Variants in MCPH1 observed in about 807,000 individuals in gnomAD.
The protein encoded by MCPH1 is microcephalin 1.
MCPH1 carries 104 observed loss-of-function variants against 84.5 expected under a neutral mutation model. The ratio of observed to expected loss-of-function variants is 1.23; its 90% confidence interval spans 1.05 to 1.45. The LOEUF (loss-of-function observed/expected upper bound fraction) is 1.45, where lower values mean the gene tolerates loss of function less well. Ranked by LOEUF, MCPH1 falls within the 40% of genes most tolerant of loss-of-function variation. The probability of loss-of-function intolerance (pLI) is 0.00; values close to 1 mark genes in which losing one functional copy is unlikely to be tolerated. For synonymous variants in MCPH1, 514 were observed against 366.8 expected (o/e 1.40, Z -4.58); for missense variants, 1,498 against 1,005.7 (o/e 1.49, Z -6.62).
At chr8:6,484,514 T>A (rs542333133) in intron 11 of MCPH1, among the ~76,000 whole-genome samples, 2 of 152,352 alleles carry the variant, frequency 1.3e-5, no homozygotes, top group South Asian at 4.1e-4. Context: ...GCAGTCCCAC[T>A]CCCAGATATT....
chr8:6,609,775 A>T (rs1830093657), intron 12 of MCPH1, among the ~76,000 whole-genome samples: 1 of 142,318 alleles, frequency 7.0e-6, no homozygotes, highest in African/African-American at 2.5e-5. Flanking sequence ...AACATCATAG[A>T]TTTTATTTTT....
At chr8:6,559,246 C>CACACAT (rs1825143758) in intron 12 of MCPH1, among the ~76,000 whole-genome samples, 1 of 151,798 alleles carries the variant, frequency 6.6e-6, no homozygotes, top group Non-Finnish European at 1.5e-5. Context: ...CACACACACA[C>CACACAT]ACACACACAC....
At chr8:6,585,511 G>A (rs1827904345) in intron 12 of MCPH1, among the ~76,000 whole-genome samples, 1 of 152,214 alleles carries the variant, frequency 6.6e-6, no homozygotes, top group Admixed American at 6.5e-5. Context: ...CATGCAGTTG[G>A]GCTGCTCTGG....
intron 12 of MCPH1, among the ~76,000 whole-genome samples, chr8:6,596,932 C>T (rs770513575): frequency 3.9e-5 from 6 of 152,132 alleles, no homozygotes; most frequent in African/African-American, 1.4e-4. Context: ...ATAGAGGATA[C>T]GGTCAGAGTT....
rs1427024116 is a variant in MCPH1, at chr8:6,444,479, G to A, written c.757G>A (p.Gly253Arg). 1.4e-5 allele frequency: 23 copies of A among 1,614,130 alleles called. No individual in the cohort carries two copies. The highest frequency in any genetic ancestry group is 1.9e-5 in the Non-Finnish European group (22 of 1,180,000). Residue 253 changes from glycine (G) to arginine (R), a missense_variant, in exon 8 of 14, where the codon GGA becomes AGA. Coordinates refer to ENST00000344683, the MANE Select transcript of MCPH1 (RefSeq NM_024596.5). ...TGGAAATCAGGAAAGGAAGTTGGAA[G>A]GATCCATTAATGACATTAAAAGTGA... ...GCGNQERKLE[G>R]SINDIKSDVC...
intron 12 of MCPH1, among the ~76,000 whole-genome samples, chr8:6,564,604 G>C (rs1825990308): frequency 6.6e-6 from 1 of 152,096 alleles, no homozygotes; most frequent in Admixed American, 6.5e-5. Context: ...CAAGGTACAA[G>C]GTTTATTATT....
chr8:6,424,647 A>G (rs1037276852), intron 3 of MCPH1, among the ~76,000 whole-genome samples: 2 of 152,214 alleles, frequency 1.3e-5, no homozygotes, highest in African/African-American at 4.8e-5. Flanking sequence ...GTGTCCTCCT[A>G]ATATCACATC....
chr8:6,508,025 A>G (rs1046882414), intron 12 of MCPH1: 1 of 152,224 alleles, frequency 6.6e-6, no homozygotes, highest in African/African-American at 2.4e-5. Context: ...ATGGCAGTGT[A>G]ATACCAAACC....
chr8:6,464,817 G>C (rs1312072586), intron 9 of MCPH1, among the ~76,000 whole-genome samples: 1 of 152,132 alleles, frequency 6.6e-6, no homozygotes, highest in East Asian at 1.9e-4. Flanking sequence ...GGCCAACATG[G>C]GAAAACCCTG....
chr8:6,612,649 C>G (rs1830386631), intron 12 of MCPH1, among the ~76,000 whole-genome samples: 1 of 152,222 alleles, frequency 6.6e-6, no homozygotes, highest in Admixed American at 6.5e-5. Context: ...GCTGGCCTGC[C>G]TCTGTTCCGA....
intron 12 of MCPH1, among the ~76,000 whole-genome samples, chr8:6,505,818 T>C (rs1248120946): frequency 1.4e-5 from 2 of 139,430 alleles, no homozygotes; most frequent in African/African-American, 2.6e-5. Context: ...TCTTTATATA[T>C]GTATATATAA....
rs1365349504 is a variant in MCPH1 at position 6,431,700 on chromosome 8, C to G, written c.321+114C>G. On this transcript the variant is annotated intron_variant, in intron 4 of 13. Coordinates refer to ENST00000344683, the MANE Select transcript of MCPH1 (RefSeq NM_024596.5). Reference sequence around the variant, plus strand: ...ATATTCAAGAGTTGTCTTAAATATGCTATTGATGATATTGTTCTTTTCACA... The same window carrying G: ...ATATTCAAGAGTTGTCTTAAATATGGTATTGATGATATTGTTCTTTTCACA... 7 of 697,240 alleles carry G rather than the reference C, an allele frequency of 1.0e-5. No homozygotes were observed. The East Asian group carries it at 1.9e-4, about 19-fold the overall frequency. 43.2% of individuals were successfully genotyped at this position (697,240 alleles called of 1,614,324 possible).
At chr8:6,419,471 T>C (rs1277794009) in intron 3 of MCPH1, among the ~76,000 whole-genome samples, 1 of 151,906 alleles carries the variant, frequency 6.6e-6, no homozygotes, top group Non-Finnish European at 1.5e-5. Flanking sequence ...CGGCTCACTG[T>C]AAGCTCTGCC....
intron 9 of MCPH1, among the ~76,000 whole-genome samples, chr8:6,470,683 C>A (rs528491988): frequency 3.9e-5 from 6 of 152,240 alleles, no homozygotes; most frequent in African/African-American, 1.4e-4. Flanking sequence ...ATGAGTAACT[C>A]ATGAATACAC....
intron 12 of MCPH1, among the ~76,000 whole-genome samples, chr8:6,592,502 C>G (rs1173299173): frequency 2.0e-5 from 3 of 151,962 alleles, no homozygotes; most frequent in African/African-American, 4.8e-5. Context: ...AAAGTTAAAG[C>G]TCCCTTTGCA....
At chr8:6,469,314 G>T (rs56690675) in intron 9 of MCPH1, among the ~76,000 whole-genome samples, 1 of 152,160 alleles carries the variant, frequency 6.6e-6, no homozygotes, top group Non-Finnish European at 1.5e-5. Context: ...GCTTATTATT[G>T]TATTTAATAA....
chr8:6,415,357 G>C (rs1799120770), intron 3 of MCPH1, among the ~76,000 whole-genome samples: 1 of 148,964 alleles, frequency 6.7e-6, no homozygotes. Context: ...GCTGGATCTT[G>C]GGTCACTGCA....
intron 7 of MCPH1, among the ~76,000 whole-genome samples, chr8:6,443,234 G>C (rs1803776080): frequency 6.6e-6 from 1 of 152,166 alleles, no homozygotes; most frequent in Admixed American, 6.5e-5. Flanking sequence ...TCTAACTTAG[G>C]CAGTCTGACA....
chr8:6,626,130 T>A (rs1359639933), intron 13 of MCPH1: 1 of 985,272 alleles, frequency 1.0e-6, no homozygotes, highest in African/African-American at 1.7e-5. Context: ...GTGATTATTT[T>A]ACTTGTAAGA....
Sources: allele counts gnomAD v4.1 joint callset (sites outside exome capture counted in the v4.1 genomes callset), GRCh38; gene constraint gnomAD v4.1.1; transcripts MANE v1.5; gene names NCBI Gene and HGNC (gene_info 2026-07-23, HGNC 2026-07-21).